The following ZFYVE28 variants were observed in gnomAD, a reference collection of about 807,000 sequenced individuals.
The protein encoded by ZFYVE28 is lateral signaling target protein 2 homolog.
In ZFYVE28, 40 loss-of-function variants were observed where a neutral mutation model predicts 82.1. That is an observed-to-expected ratio of 0.49 (90% CI 0.38 to 0.63). ZFYVE28 has a LOEUF of 0.63. Among genes scored for constraint, ZFYVE28 ranks in the 30% least tolerant of loss-of-function variants. ZFYVE28 has a pLI of 0.00. For missense variants in ZFYVE28, 1,321 were observed against 1,242.1 expected (o/e 1.06, Z -0.96); for synonymous variants, 612 against 546.1 (o/e 1.12, Z -1.68).
chr4:2,405,786 G>A (rs1361708447), intron 1 of ZFYVE28, among the ~76,000 whole-genome samples: 4 of 152,216 alleles, frequency 2.6e-5, no homozygotes, highest in Admixed American at 1.3e-4. Flanking sequence ...AGTGGCTCAC[G>A]CCTATAATCC....
intron 6 of ZFYVE28, among the ~76,000 whole-genome samples, chr4:2,329,518 A>G (rs1256129578): frequency 6.6e-6 from 1 of 152,236 alleles, no homozygotes; most frequent in African/African-American, 2.4e-5. Context: ...GACAGTCACA[A>G]AAGGGTAAAT....
intron 1 of ZFYVE28, among the ~76,000 whole-genome samples, chr4:2,410,928 G>A (rs1227481639): frequency 2.0e-5 from 3 of 151,838 alleles, no homozygotes; most frequent in African/African-American, 4.9e-5. Context: ...ATTCTTAAAT[G>A]TATCTGACAT....
chr4:2,289,873 C>G (rs1267187461), intron 8 of ZFYVE28, among the ~76,000 whole-genome samples: 1 of 151,902 alleles, frequency 6.6e-6, no homozygotes, highest in Admixed American at 6.6e-5. Flanking sequence ...AAGAACTCGG[C>G]GAACCTGAGT....
At chr4:2,345,071 G>C (rs1723342325) in intron 2 of ZFYVE28, among the ~76,000 whole-genome samples, 1 of 150,798 alleles carries the variant, frequency 6.6e-6, no homozygotes, top group Middle Eastern at 3.2e-3. Flanking sequence ...AAATAGCCGG[G>C]CACCTGTAGT....
At chr4:2,350,597 GC>G (rs1190760292) in intron 2 of ZFYVE28, among the ~76,000 whole-genome samples, 2 of 152,200 alleles carry the variant, frequency 1.3e-5, no homozygotes, top group Non-Finnish European at 2.9e-5. Context: ...TGGCTGGGGG[GC>G]CCTAGACAGC....
chr4:2,382,300 T>A (rs1249788869), intron 1 of ZFYVE28, among the ~76,000 whole-genome samples: 2 of 152,194 alleles, frequency 1.3e-5, no homozygotes, highest in African/African-American at 2.4e-5. Context: ...GACCCCAGAA[T>A]GGTAGATCCA....
At position 2,335,928 on chromosome 4, in the gene ZFYVE28, C is replaced by T. The variant is rs1157472446; in HGVS notation, c.612-134G>A. 3 of 689,286 alleles carry T rather than the reference C, an allele frequency of 4.4e-6. No individual in the cohort carries two copies. Among genetic ancestry groups the T allele is most frequent in the Non-Finnish European group, 2.6e-6 (1 of 387,986 alleles). The allele number at this position is 689,286 out of a possible 1,614,324, so 42.7% of individuals were successfully genotyped here. Reference sequence around the variant, plus strand: ...GTGGTGGCCACGTCAAGAGGTGACACATGCCACCCCCAGTCCTCATATGTG... The same window carrying T: ...GTGGTGGCCACGTCAAGAGGTGACATATGCCACCCCCAGTCCTCATATGTG... On this transcript the variant is annotated intron_variant, in intron 5 of 12. Transcript: ENST00000290974. This position sits in a 1 kb window ranked among gnomAD's most constrained non-coding sequence, Gnocchi z 5.8.
chr4:2,311,069 AGT>A (rs1717405997), intron 7 of ZFYVE28, among the ~76,000 whole-genome samples: 1 of 152,234 alleles, frequency 6.6e-6, no homozygotes, highest in Non-Finnish European at 1.5e-5. Context: ...TGTCAAATTT[AGT>A]GATATAAAGT....
chr4:2,304,240 C>G, intron 8 of ZFYVE28, 49 bp downstream of exon 8: 4 of 1,506,918 alleles, frequency 2.7e-6, no homozygotes, highest in South Asian at 2.6e-5. Context: ...GCACCTGCCC[C>G]CCAGTGCAGA....
intron 1 of ZFYVE28, among the ~76,000 whole-genome samples, chr4:2,398,516 G>A (rs1254062107): frequency 2.6e-5 from 4 of 152,326 alleles, no homozygotes; most frequent in East Asian, 1.9e-4. Context: ...TACAAGAGAG[G>A]AGCACTGCAG....
intron 8 of ZFYVE28, among the ~76,000 whole-genome samples, chr4:2,280,805 A>G (rs1441324519): frequency 6.6e-6 from 1 of 152,248 alleles, no homozygotes; most frequent in Non-Finnish European, 1.5e-5. Flanking sequence ...CATGGGAAGT[A>G]TTCAGCCCCG....
At chr4:2,351,942 A>G (rs540613898) in intron 2 of ZFYVE28, among the ~76,000 whole-genome samples, 3 of 152,226 alleles carry the variant, frequency 2.0e-5, no homozygotes, top group African/African-American at 2.4e-5. Context: ...AATGTCATAA[A>G]AAGACATGAA....
chr4:2,418,638 C>T lies in ZFYVE28; in HGVS notation c.-315G>A, dbSNP rs1733399216. The T allele has an allele frequency of 6.7e-6, 1 of 149,366 alleles. No individual in the cohort carries two copies. The highest frequency in any genetic ancestry group is 1.5e-5 in the Non-Finnish European group (1 of 67,362). 9.3% of individuals were successfully genotyped at this position (149,366 alleles called of 1,614,324 possible). On this transcript the variant is annotated 5_prime_UTR_variant, in exon 1 of 13. Coordinates refer to ENST00000290974, the MANE Select transcript of ZFYVE28 (RefSeq NM_020972.3). This position sits in a 1 kb window ranked among gnomAD's most constrained non-coding sequence, Gnocchi z 4.6. ...CTGCTCACTGACACCCAGCGCTCCGCTGGTCACGGCCGCCCCGCGCCGCAC... is the reference window on the plus strand; with the variant it reads ...CTGCTCACTGACACCCAGCGCTCCGTTGGTCACGGCCGCCCCGCGCCGCAC...
chr4:2,278,941 C>A (rs201732994), intron 8 of ZFYVE28, among the ~76,000 whole-genome samples: 21 of 126,584 alleles, frequency 1.7e-4, no homozygotes, highest in Middle Eastern at 3.9e-3. Flanking sequence ...CCCCCCCCCT[C>A]AAAAAAAAAA....
rs1248308651 is a variant in ZFYVE28, at chr4:2,332,810, C to T, written c.701+2895G>A. 6.6e-6 allele frequency among the ~76,000 whole-genome samples: 1 copy of T among 152,148 alleles called. No homozygotes were observed. Among genetic ancestry groups the T allele is most frequent in the Admixed American group, 6.5e-5 (1 of 15,284 alleles). ...CCACTCAGCACTCACCCGCTCAGCA[C>T]TCACCCGCCCTGCTCGAGGCTCGCT... is the stretch of plus-strand genomic sequence containing the variant. On this transcript the variant is annotated intron_variant, in intron 6 of 12. Transcript: ENST00000290974. The surrounding 1 kb of genome is among the most constrained non-coding windows in gnomAD (Gnocchi z 4.7).
intron 6 of ZFYVE28, among the ~76,000 whole-genome samples, chr4:2,321,608 G>T (rs920135267): frequency 8.6e-5 from 13 of 152,002 alleles, no homozygotes; most frequent in African/African-American, 3.1e-4. Flanking sequence ...GTATTCAGGG[G>T]ACAATTACCC....
intron 1 of ZFYVE28, among the ~76,000 whole-genome samples, chr4:2,354,434 C>G (rs1724938425): frequency 6.8e-6 from 1 of 147,844 alleles, no homozygotes; most frequent in Non-Finnish European, 1.5e-5. Context: ...CTCCAGGCGA[C>G]AAAAGCAGCT....
At chr4:2,275,267 T>C (rs761118586) in intron 8 of ZFYVE28, among the ~76,000 whole-genome samples, 1 of 152,322 alleles carries the variant, frequency 6.6e-6, no homozygotes, top group East Asian at 1.9e-4. Context: ...GGTGACCCTA[T>C]AAATCGTTCA....
chr4:2,304,830 T>C lies in ZFYVE28; in HGVS notation c.1510A>G (p.Ile504Val), dbSNP rs772727363. The C allele has an allele frequency of 2.6e-5, 42 of 1,612,424 alleles. No homozygotes were observed. The highest frequency in any genetic ancestry group is 3.1e-5 in the Non-Finnish European group (36 of 1,179,904). The change falls in exon 8 of 13, where the codon ATC becomes GTC. Residue 504 changes from isoleucine (I) to valine (V), a missense_variant. By Grantham distance (29) the Ile-to-Val change is conservative. This residue lies in a region of ZFYVE28 where 978 missense variants were observed against 833.7 expected (regional missense o/e 1.17). Transcript: ENST00000290974. ...GADDAETAEMIAHRTGGMKLS... is the reference protein window; with the variant it reads ...GADDAETAEMVAHRTGGMKLS... Reference sequence around the variant, plus strand: ...TTCATGCCCCCTGTCCGGTGGGCGATCATCTCAGCCGTCTCTGCGTCATCC... The same window carrying C: ...TTCATGCCCCCTGTCCGGTGGGCGACCATCTCAGCCGTCTCTGCGTCATCC...
Sources: gnomAD v4.1 joint callset for allele counts (sites outside exome capture counted in the v4.1 genomes callset) on GRCh38, gnomAD v4.1.1 for gene constraint, gnomAD v4.1.1 regional missense constraint, Gnocchi (gnomAD v3.1) non-coding constraint, MANE v1.5 for transcripts, NCBI Gene and HGNC (gene_info 2026-07-23, HGNC 2026-07-21) for gene names.